The following CPLANE1 variants were observed in gnomAD, a reference collection of about 807,000 sequenced individuals.
CPLANE1 encodes ciliogenesis and planar polarity effector complex subunit 1.
CPLANE1 carries 263 observed loss-of-function variants against 362.5 expected under a neutral mutation model. The ratio of observed to expected loss-of-function variants is 0.73; its 90% CI spans 0.66 to 0.80. The LOEUF is 0.80. CPLANE1 is among the 30% of genes least tolerant of loss of function. The pLI, the probability that CPLANE1 is intolerant of heterozygous loss-of-function variation, is 0.00. For missense variants in CPLANE1, 3,461 were observed against 3,793.4 expected (o/e 0.91, Z 2.30); for synonymous variants, 1,212 against 1,302.6 (o/e 0.93, Z 1.50).
intron 35 of CPLANE1, among the ~76,000 whole-genome samples, chr5:37,165,948 ACT>A (rs1778126120): frequency 6.6e-6 from 1 of 151,948 alleles, no homozygotes; most frequent in African/African-American, 2.4e-5. Flanking sequence ...TAATTATTAA[ACT>A]CTCTTTTCTG....
intron 6 of CPLANE1, among the ~76,000 whole-genome samples, chr5:37,241,005 G>A (rs942636934): frequency 9.9e-5 from 15 of 151,652 alleles, no homozygotes; most frequent in African/African-American, 3.4e-4. Context: ...CCGTGGGGGT[G>A]CGCACCTGTA....
intron 15 of CPLANE1, among the ~76,000 whole-genome samples, chr5:37,216,556 C>T (rs560279626): frequency 5.3e-5 from 8 of 151,518 alleles, no homozygotes; most frequent in South Asian, 2.1e-4. Flanking sequence ...CTCAAACACA[C>T]GCACACAAAT....
intron 42 of CPLANE1, among the ~76,000 whole-genome samples, chr5:37,149,277 CCA>C (rs1053105612): frequency 1.6e-4 from 25 of 152,122 alleles, no homozygotes; most frequent in East Asian, 1.3e-3. Context: ...ACATCAAAAT[CCA>C]CAGACTCAAG....
intron 44 of CPLANE1, chr5:37,140,063 T>C (rs1769197570): frequency 6.5e-6 from 6 of 928,460 alleles, no homozygotes; most frequent in Admixed American, 6.2e-5. Flanking sequence ...TGTAAGAATG[T>C]GTCCCAAAAT....
intron 8 of CPLANE1, among the ~76,000 whole-genome samples, chr5:37,238,103 C>T (rs1181672874): frequency 6.6e-6 from 1 of 152,150 alleles, no homozygotes; most frequent in African/African-American, 2.4e-5. Context: ...TGACTGAGCC[C>T]GAGAGTTCAA....
intron 50 of CPLANE1, among the ~76,000 whole-genome samples, chr5:37,117,978 T>A (rs1761516689): frequency 6.6e-6 from 1 of 152,256 alleles, no homozygotes; most frequent in African/African-American, 2.4e-5. Flanking sequence ...ATTTTAGATA[T>A]GTATTTAATT....
chr5:37,238,613 A>T (rs558452463), intron 8 of CPLANE1, among the ~76,000 whole-genome samples: 1 of 147,316 alleles, frequency 6.8e-6, no homozygotes, highest in East Asian at 2.0e-4. Context: ...CCCCTAGCTC[A>T]GCCTCTCAAG....
the CPLANE1 span, among the ~76,000 whole-genome samples, chr5:37,096,641 T>A: frequency 6.6e-6 from 1 of 151,834 alleles, no homozygotes; most frequent in Non-Finnish European, 1.5e-5. Flanking sequence ...GGGAGAAAAA[T>A]CTTCACAATC....
chr5:37,124,205 T>G (rs1763508448), intron 47 of CPLANE1, among the ~76,000 whole-genome samples: 1 of 152,184 alleles, frequency 6.6e-6, no homozygotes, highest in Non-Finnish European at 1.5e-5. Context: ...TTTGTTATCC[T>G]AATGATGCTG....
chr5:37,127,621 C>A (rs1385209593), intron 46 of CPLANE1, among the ~76,000 whole-genome samples: 1 of 147,860 alleles, frequency 6.8e-6, no homozygotes. Flanking sequence ...CGGGTTTAAG[C>A]GATTCTCCTG....
In CPLANE1 at chr5:37,238,969, G is replaced by GA. The variant is rs1799667964; in HGVS notation, c.835-10dup. 86 of 1,328,602 alleles carry GA rather than the reference G, an allele frequency of 6.5e-5. No individual in the cohort carries two copies. The highest frequency in any genetic ancestry group is 1.7e-4 in the South Asian group (11 of 64,640). The allele number at this position is 1,328,602 out of a possible 1,614,324, so 82.3% of individuals were successfully genotyped here. A position where few individuals can be genotyped will look rare whatever the true frequency, so the allele number is the denominator to read the frequency against. ...AATAATACCTGAGTTGCCTAGAAAGGAAAAAAAAGACAAGAAAACTATTAA... is the reference window on the plus strand; with the variant it reads ...AATAATACCTGAGTTGCCTAGAAAGGAAAAAAAAAGACAAGAAAACTATTAA... On this transcript the variant is annotated splice_polypyrimidine_tract_variant and intron_variant, in intron 7 of 52. Transcript: ENST00000651892.
At chr5:37,100,235 G>A in the CPLANE1 span, among the ~76,000 whole-genome samples, 1 of 152,100 alleles carries the variant, frequency 6.6e-6, no homozygotes, top group Non-Finnish European at 1.5e-5. Context: ...GGTTTTTATA[G>A]TTTTGGGTTT....
At chr5:37,167,565 T>A (rs1194551334) in intron 34 of CPLANE1, among the ~76,000 whole-genome samples, 1 of 152,020 alleles carries the variant, frequency 6.6e-6, no homozygotes, top group East Asian at 1.9e-4. Flanking sequence ...GATCACAAGG[T>A]CAGGAGTTTG....
intron 6 of CPLANE1, among the ~76,000 whole-genome samples, chr5:37,242,083 A>C (rs1325724278): frequency 6.6e-6 from 1 of 152,130 alleles, no homozygotes; most frequent in Non-Finnish European, 1.5e-5. Flanking sequence ...CGGCTGGGTG[A>C]GGTGGCTCAT....
At chr5:37,178,499 G>T (rs1781814684) in intron 29 of CPLANE1, among the ~76,000 whole-genome samples, 1 of 150,260 alleles carries the variant, frequency 6.7e-6, no homozygotes, top group Non-Finnish European at 1.5e-5. Flanking sequence ...GTAAGACCCA[G>T]CTACTTGGGA....
At chr5:37,189,570 G>C (rs1283730154) in intron 21 of CPLANE1, among the ~76,000 whole-genome samples, 1 of 152,222 alleles carries the variant, frequency 6.6e-6, no homozygotes, top group East Asian at 1.9e-4. Flanking sequence ...ATACTAAACA[G>C]TGACTCATCT....
chr5:37,180,154 T>C lies in CPLANE1; in HGVS notation c.5600A>G (p.Asp1867Gly), dbSNP rs963676463. 1 of 1,531,300 alleles carries C rather than the reference T, an allele frequency of 6.5e-7. No individual in the cohort carries two copies. The highest frequency in any genetic ancestry group is 8.8e-7 in the Non-Finnish European group (1 of 1,141,244). 94.9% of individuals were successfully genotyped at this position (1,531,300 alleles called of 1,614,324 possible). A position where few individuals can be genotyped will look rare whatever the true frequency, so the allele number is the denominator to read the frequency against. ...NRMPTEAKNPDIKEINDDIIS... is the reference protein window; with the variant it reads ...NRMPTEAKNPGIKEINDDIIS... ...AATATCATCATTGATTTCTTTTATA[T>C]CAGGATTTTTTGCTTCAGTTGGCAT... The change falls in exon 28 of 53, where the codon GAT becomes GGT. Residue 1867 changes from aspartate to glycine, a missense_variant. Around this residue, in one of 2 missense-constraint regions of CPLANE1, gnomAD observed 3,380 missense variants for 3,666.1 expected, o/e 0.92. Coordinates refer to ENST00000651892, the MANE Select transcript of CPLANE1 (RefSeq NM_001384732.1).
chr5:37,162,789 C>A, intron 37 of CPLANE1: 1 of 334,788 alleles, frequency 3.0e-6, no homozygotes, highest in South Asian at 4.9e-5. Flanking sequence ...AAGTGATTCT[C>A]CTGCCTCAGC....
At chr5:37,175,009 G>A (rs1157653311) in intron 31 of CPLANE1, among the ~76,000 whole-genome samples, 1 of 152,198 alleles carries the variant, frequency 6.6e-6, no homozygotes, top group East Asian at 1.9e-4. Flanking sequence ...AATCTAAAGA[G>A]TAAGCGGAGC....
Sources: allele counts gnomAD v4.1 joint callset (sites outside exome capture counted in the v4.1 genomes callset), GRCh38; gene constraint gnomAD v4.1.1; regional missense constraint gnomAD v4.1.1; transcripts MANE v1.5; gene names NCBI Gene and HGNC (gene_info 2026-07-23, HGNC 2026-07-21).